The following C14orf39 variants were observed in gnomAD, a reference collection of about 807,000 sequenced individuals.
C14orf39 encodes protein SIX6OS1.
C14orf39 carries 66 observed loss-of-function variants against 85.6 expected under a neutral mutation model. That is an observed-to-expected ratio of 0.77 (90% CI 0.63 to 0.95). The LOEUF (loss-of-function observed/expected upper bound fraction) is 0.95. Among genes scored for constraint, C14orf39 ranks in the 40% least tolerant of loss-of-function variants. C14orf39 has a pLI of 0.00. For missense variants in C14orf39, 735 were observed against 663.9 expected (o/e 1.11, Z -1.18); for synonymous variants, 242 against 214.0 (o/e 1.13, Z -1.14).
chr14:60,474,595 T>G lies in C14orf39; in HGVS notation c.324-2856A>C, dbSNP rs1438712329. Among the ~76,000 whole-genome samples, 12 of 152,216 alleles carry G rather than the reference T, an allele frequency of 7.9e-5. No individual in the cohort carries two copies. The East Asian group carries it at 9.6e-4, about 12-fold the overall frequency. ...GTCCCATCGATACCTAATTTATTGA[T>G]AGTTTTTAGCATGAAGCGTTGTTGA... On this transcript the variant is annotated intron_variant, in intron 5 of 17. Transcript: ENST00000321731.
In C14orf39 at chr14:60,439,482, A is replaced by G. The variant is rs982830224; in HGVS notation, c.1562-2435T>C. ...GAGAGAGAACTGATAAAACTTAATG[A>G]CTAGTTGAATGTAGTCACAGTCACA... On this transcript the variant is annotated intron_variant, in intron 17 of 17. Transcript: ENST00000321731. Among the ~76,000 whole-genome samples the G allele has an allele frequency of 2.0e-5, 3 of 152,340 alleles. 1 individual carries two copies. The highest frequency in any genetic ancestry group is 4.8e-5 in the African/African-American group (2 of 41,578).
At chr14:60,458,448 A>C (rs2140080238) in intron 14 of C14orf39, among the ~76,000 whole-genome samples, 1 of 151,996 alleles carries the variant, frequency 6.6e-6, no homozygotes, top group South Asian at 2.1e-4. Context: ...CAAATAACTA[A>C]ATTTCACTCT....
intron 2 of C14orf39, among the ~76,000 whole-genome samples, chr14:60,499,107 A>C (rs1435765769): frequency 6.6e-6 from 1 of 151,932 alleles, no homozygotes; most frequent in Non-Finnish European, 1.5e-5. Context: ...AATACAAAAA[A>C]TAGCTGGGCA....
intron 16 of C14orf39, among the ~76,000 whole-genome samples, chr14:60,443,382 G>A (rs1352122201): frequency 1.3e-5 from 2 of 152,212 alleles, no homozygotes; most frequent in Admixed American, 6.5e-5. Context: ...CCCGTGCCTG[G>A]CTCGGTGAGT....
At chr14:60,451,926 T>TA (rs1193388724) in intron 16 of C14orf39, among the ~76,000 whole-genome samples, 1 of 151,846 alleles carries the variant, frequency 6.6e-6, no homozygotes, top group Admixed American at 6.6e-5. Context: ...CTCACGCCTG[T>TA]AATCCCAGCA....
At chr14:60,437,756 C>G (rs1027174436) in intron 17 of C14orf39, among the ~76,000 whole-genome samples, 5 of 151,938 alleles carry the variant, frequency 3.3e-5, no homozygotes, top group Admixed American at 3.3e-4. Flanking sequence ...ATAAGTTAAA[C>G]TTATTCAACT....
At chr14:60,471,963 T>A (rs2350900) in intron 5 of C14orf39, among the ~76,000 whole-genome samples, 127,464 of 151,892 alleles carry the variant, frequency 0.84, 54,676 homozygotes, top group Non-Finnish European at 0.92. Flanking sequence ...ATTCTATTCA[T>A]TTTAACTCCT....
At chr14:60,458,586 T>C in intron 14 of C14orf39, 92 bp downstream of exon 14, 1 of 852,586 alleles carries the variant, frequency 1.2e-6, no homozygotes, top group Non-Finnish European at 1.8e-6. Flanking sequence ...ACATCTCACA[T>C]AAATCACTGT....
intron 2 of C14orf39, chr14:60,495,872 C>G (rs1277475231): frequency 2.7e-6 from 1 of 370,914 alleles, no homozygotes; most frequent in Non-Finnish European, 5.3e-6. Flanking sequence ...TCTAGCACTA[C>G]AGTATAGAAT....
rs1321359538 is a variant in C14orf39 at position 60,515,373 on chromosome 14, GCCC to G, written c.-144+19_-144+21del. 1 of 152,160 alleles carries G rather than the reference GCCC, an allele frequency of 6.6e-6. No homozygotes were observed. Among genetic ancestry groups the G allele is most frequent in the Admixed American group, 6.5e-5 (1 of 15,280 alleles). The allele number at this position is 152,160 out of a possible 1,614,324, so 9.4% of individuals were successfully genotyped here. On this transcript the variant is annotated intron_variant, in intron 1 of 5. Coordinates refer to the C14orf39 transcript ENST00000556799. The surrounding 1 kb of genome is among the most constrained non-coding windows in gnomAD (Gnocchi z 6.2). ...AGATCTGGGTCCCCGAGGAAGGAGA[GCCC>G]CCCTTTTCGCGCACCCACCTTTTCC...
chr14:60,466,021 C>CCAA lies in C14orf39; in HGVS notation c.929_930insTTG (p.Lys310delinsAsnTrp). 6.4e-7 allele frequency: 1 copy of CCAA among 1,562,862 alleles called. No individual in the cohort carries two copies. Among genetic ancestry groups the CCAA allele is most frequent in the Non-Finnish European group, 8.6e-7 (1 of 1,158,222 alleles). ...TTTGTCTAAAGTCAATATTGGCAAGCTTTGACTGCTTCGCAGAACTTTCTT... is the reference window on the plus strand; with the variant it reads ...TTTGTCTAAAGTCAATATTGGCAAGCCAATTTGACTGCTTCGCAGAACTTTCTT... On this transcript the variant is annotated protein_altering_variant, in exon 11 of 18. Coordinates refer to ENST00000321731, the MANE Select transcript of C14orf39 (RefSeq NM_174978.3).
chr14:60,506,550 T>G (rs1012172768), intron 1 of C14orf39, among the ~76,000 whole-genome samples: 2 of 152,186 alleles, frequency 1.3e-5, no homozygotes, highest in Non-Finnish European at 2.9e-5. Context: ...CCCTTCCCCT[T>G]GTGAAGCTGG....
chr14:60,485,167 A>G (rs1240679564), intron 1 of C14orf39, 81 bp from the exon 2 acceptor site: 4 of 1,163,622 alleles, frequency 3.4e-6, no homozygotes, highest in Non-Finnish European at 4.9e-6. Context: ...GACCTTTTCA[A>G]TATAGCATTC....
intron 1 of C14orf39, chr14:60,509,295 T>C: frequency 1.0e-6 from 1 of 1,003,638 alleles, no homozygotes; most frequent in African/African-American, 1.6e-5. Flanking sequence ...GCTGCCCCAA[T>C]CCGCCTCATC....
chr14:60,480,034 T>G (rs1892565259), intron 4 of C14orf39, among the ~76,000 whole-genome samples: 1 of 152,186 alleles, frequency 6.6e-6, no homozygotes, highest in Admixed American at 6.5e-5. Context: ...AACAGATATA[T>G]GAAAAAATGC....
At chr14:60,465,224 T>C (rs1891728008) in intron 11 of C14orf39, among the ~76,000 whole-genome samples, 1 of 152,144 alleles carries the variant, frequency 6.6e-6, no homozygotes, top group South Asian at 2.1e-4. Context: ...AAGTTATACA[T>C]ATTTACACTT....
upstream of C14orf39, among the ~76,000 whole-genome samples, chr14:60,489,782 G>C (rs1892958715): frequency 6.6e-6 from 1 of 152,192 alleles, no homozygotes; most frequent in Admixed American, 6.5e-5. Context: ...GAAAGAGAGA[G>C]AATCTTCCCT....
chr14:60,457,317 T>C (rs760324827), intron 14 of C14orf39, among the ~76,000 whole-genome samples: 10 of 151,908 alleles, frequency 6.6e-5, no homozygotes, highest in Non-Finnish European at 1.3e-4. Flanking sequence ...TCCAGTTCCA[T>C]CTTCCACTTC....
chr14:60,472,606 G>A (rs1183127281), intron 5 of C14orf39, among the ~76,000 whole-genome samples: 6 of 152,020 alleles, frequency 3.9e-5, no homozygotes, highest in Non-Finnish European at 8.8e-5. Flanking sequence ...CTGTGTCCAT[G>A]TGTTCTCATT....
Sources: allele counts gnomAD v4.1 joint callset (sites outside exome capture counted in the v4.1 genomes callset), GRCh38; gene constraint gnomAD v4.1.1; non-coding constraint Gnocchi (gnomAD v3.1); transcripts MANE v1.5; gene names NCBI Gene and HGNC (gene_info 2026-07-23, HGNC 2026-07-21).